Variants in WWOX observed in about 807,000 individuals in gnomAD.
WWOX encodes the protein WW domain-containing oxidoreductase.
A neutral mutation model predicts 46.2 loss-of-function variants in WWOX; 69 were observed. The observed-to-expected ratio is 1.49, with a 90% CI of 1.23 to 1.82. The LOEUF is 1.82. WWOX is among the 40% of genes most tolerant of loss of function. The pLI, the probability that WWOX is intolerant of heterozygous loss-of-function variation, is 0.00. For synonymous variants in WWOX, 359 were observed against 202.6 expected, an observed-to-expected ratio of 1.77 and a Z score of -6.56; for missense variants, 919 against 542.6, an observed-to-expected ratio of 1.69 and a Z score of -6.89.
Position 78,492,144 on chromosome 16 carries a change from T to C in WWOX, c.1056+59392T>C, listed in dbSNP as rs1042373200. On this transcript the variant is annotated intron_variant, in intron 8 of 8. Coordinates refer to ENST00000566780, the MANE Select transcript of WWOX (RefSeq NM_016373.4). ...ACAAGTAAATGAGCAACCTGGAAGA[T>C]GAGTGGCGTTTCCACACACAGGGAA... 3.9e-5 allele frequency among the ~76,000 whole-genome samples: 6 copies of C among 152,218 alleles called. No homozygotes were observed. In the East Asian group the frequency reaches 1.2e-3, roughly 29 times the overall value.
intron 8 of WWOX, among the ~76,000 whole-genome samples, chr16:79,052,697 C>G (rs1040210456): frequency 6.6e-6 from 1 of 152,186 alleles, no homozygotes; most frequent in Non-Finnish European, 1.5e-5. Flanking sequence ...TATAAATGAG[C>G]CTGTCTCCTT....
intron 8 of WWOX, among the ~76,000 whole-genome samples, chr16:79,034,502 G>A (rs951790670): frequency 1.3e-5 from 2 of 152,206 alleles, no homozygotes; most frequent in Non-Finnish European, 2.9e-5. Flanking sequence ...ACATGCTACT[G>A]TCTTTAGTAT....
intron 6 of WWOX, among the ~76,000 whole-genome samples, chr16:78,399,542 C>G (rs992687333): frequency 3.3e-5 from 5 of 152,278 alleles, no homozygotes; most frequent in Admixed American, 3.3e-4. Flanking sequence ...ACCTCTCAGC[C>G]CAGTCTATCA....
chr16:78,988,224 A>G (rs1019187860), intron 8 of WWOX, among the ~76,000 whole-genome samples: 3 of 151,844 alleles, frequency 2.0e-5, no homozygotes, highest in Non-Finnish European at 2.9e-5. Flanking sequence ...GGCATCTGTA[A>G]TCTCAGCTCC....
At chr16:78,672,303 C>A (rs1002338630) in intron 8 of WWOX, among the ~76,000 whole-genome samples, 1 of 152,146 alleles carries the variant, frequency 6.6e-6, no homozygotes, top group Non-Finnish European at 1.5e-5. Flanking sequence ...CAGGGGCATT[C>A]ATCATGAAAA....
intron 8 of WWOX, among the ~76,000 whole-genome samples, chr16:78,452,955 C>G (rs570440139): frequency 1.3e-5 from 2 of 150,944 alleles, no homozygotes; most frequent in Admixed American, 6.6e-5. Flanking sequence ...TCACTGCAGC[C>G]TCATGAGCCT....
intron 8 of WWOX, among the ~76,000 whole-genome samples, chr16:78,507,342 G>T (rs1369398714): frequency 6.6e-6 from 1 of 152,146 alleles, no homozygotes; most frequent in East Asian, 1.9e-4. Flanking sequence ...CTTATTTTAA[G>T]CAACTGACCC....
At chr16:78,803,181 C>T (rs1030735045) in intron 8 of WWOX, among the ~76,000 whole-genome samples, 2 of 151,490 alleles carry the variant, frequency 1.3e-5, no homozygotes, top group African/African-American at 4.8e-5. Flanking sequence ...CAAGTCAGTT[C>T]TTAACACAAA....
chr16:78,648,250 G>C (rs1214154842), intron 8 of WWOX, among the ~76,000 whole-genome samples: 3 of 152,142 alleles, frequency 2.0e-5, no homozygotes, highest in African/African-American at 4.8e-5. Context: ...AAGACCCAAG[G>C]TGGTGAGGGG....
At chr16:78,635,061 C>T (rs531021635) in intron 8 of WWOX, among the ~76,000 whole-genome samples, 2 of 152,222 alleles carry the variant, frequency 1.3e-5, no homozygotes, top group South Asian at 4.2e-4. Context: ...ACATATTTCC[C>T]CCTCTTACAG....
At chr16:78,910,506 GTTTT>G (rs3085520) in intron 8 of WWOX, among the ~76,000 whole-genome samples, 28 of 147,734 alleles carry the variant, frequency 1.9e-4, no homozygotes, top group African/African-American at 3.0e-4. Context: ...AGGATCTTTT[GTTTT>G]TTTTTTTTTT....
At position 78,918,835 on chromosome 16, in the gene WWOX, G is replaced by A. The variant is rs528869721; in HGVS notation, c.1057-292773G>A. ...AAATTGGCTTCTCTCTTTCCTTTGC[G>A]GGGTCTCACATGATCCGTCGTTCCA... On this transcript the variant is annotated intron_variant, in intron 8 of 8. Coordinates refer to ENST00000566780, the MANE Select transcript of WWOX (RefSeq NM_016373.4). Among the ~76,000 whole-genome samples, 4 of 152,160 alleles carry A rather than the reference G, an allele frequency of 2.6e-5. No individual in the cohort carries two copies. In the South Asian group the frequency reaches 8.3e-4, roughly 32 times the overall value.
At chr16:78,824,504 T>G (rs2051593453) in intron 8 of WWOX, among the ~76,000 whole-genome samples, 1 of 152,184 alleles carries the variant, frequency 6.6e-6, no homozygotes, top group South Asian at 2.1e-4. Context: ...TGTATTAGTT[T>G]GTTTTTCACG....
At chr16:78,944,140 A>G (rs1256339782) in intron 8 of WWOX, among the ~76,000 whole-genome samples, 1 of 152,164 alleles carries the variant, frequency 6.6e-6, no homozygotes, top group Non-Finnish European at 1.5e-5. Context: ...TGAGCCTATG[A>G]TAAGATTGTT....
chr16:78,325,334 C>G (rs1376775453), intron 5 of WWOX, among the ~76,000 whole-genome samples: 2 of 152,160 alleles, frequency 1.3e-5, no homozygotes, highest in Admixed American at 1.3e-4. Flanking sequence ...AGCAATGTTT[C>G]ATTATTCCTA....
At chr16:78,240,236 C>T (rs1351292366) in intron 5 of WWOX, among the ~76,000 whole-genome samples, 3 of 151,858 alleles carry the variant, frequency 2.0e-5, no homozygotes, top group Admixed American at 1.3e-4. Flanking sequence ...CCCAGCTACT[C>T]GGGAGGCTGC....
At chr16:78,524,421 T>A in intron 8 of WWOX, among the ~76,000 whole-genome samples, 1 of 151,264 alleles carries the variant, frequency 6.6e-6, no homozygotes, top group South Asian at 2.1e-4. Flanking sequence ...TATTTATTTA[T>A]TTATTTATTT....
chr16:79,001,134 G>T (rs1289282572), intron 8 of WWOX, among the ~76,000 whole-genome samples: 1 of 152,202 alleles, frequency 6.6e-6, no homozygotes. Flanking sequence ...ACATCCAGGT[G>T]CCAGTCAGGG....
chr16:78,140,826 C>G (rs530823767), intron 4 of WWOX, among the ~76,000 whole-genome samples: 1 of 152,244 alleles, frequency 6.6e-6, no homozygotes, highest in East Asian at 1.9e-4. Flanking sequence ...TGGGGGGACA[C>G]AATTAGACCA....
Sources: allele counts gnomAD v4.1 joint callset (sites outside exome capture counted in the v4.1 genomes callset), GRCh38; gene constraint gnomAD v4.1.1; transcripts MANE v1.5; gene names NCBI Gene and HGNC (gene_info 2026-07-23, HGNC 2026-07-21).